The following MCHR2 variants were observed in gnomAD, a reference collection of about 807,000 sequenced individuals.
MCHR2 encodes melanin concentrating hormone receptor 2.
In MCHR2, 15 loss-of-function variants were observed where a neutral mutation model predicts 24.8. The observed-to-expected ratio is 0.60, with a 90% CI of 0.40 to 0.93. The LOEUF (loss-of-function observed/expected upper bound fraction) is 0.93. Ranked by LOEUF, MCHR2 falls within the 40% of genes least tolerant of loss-of-function variation. The pLI is 0.00. For synonymous variants in MCHR2, 151 were observed against 147.6 expected (o/e 1.02, Z -0.17); for missense variants, 386 against 408.7 (o/e 0.94, Z 0.48).
chr6:99,921,156 C>G lies in MCHR2; in HGVS notation c.807G>C (p.Val269=). 6.2e-7 allele frequency: 1 copy of G among 1,614,184 alleles called. No individual in the cohort carries two copies. Among genetic ancestry groups the G allele is most frequent in the Non-Finnish European group, 8.5e-7 (1 of 1,180,030 alleles). The change falls in exon 6 of 6, where the codon GTG becomes GTC. Residue 269 remains valine, a synonymous_variant. Coordinates refer to ENST00000281806, the MANE Select transcript of MCHR2 (RefSeq NM_001040179.2). Reference sequence around the variant, plus strand: ...CCATCTGTAAGTTCACCAGTTGTATCACATGATAAGGGGCAGCACTCAGGA... The same window carrying G: ...CCATCTGTAAGTTCACCAGTTGTATGACATGATAAGGGGCAGCACTCAGGA... The part of the protein sequence containing the change: ...VFILSAAPYH[V]IQLVNLQMEQ...
intron 5 of MCHR2, among the ~76,000 whole-genome samples, chr6:99,926,448 C>G (rs369728358): frequency 6.7e-6 from 1 of 150,288 alleles, no homozygotes; most frequent in African/African-American, 2.4e-5. Flanking sequence ...TACAGTCCCA[C>G]CAACAGTGTA....
intron 2 of MCHR2, among the ~76,000 whole-genome samples, chr6:99,954,505 T>C (rs1256339928): frequency 6.6e-6 from 1 of 152,270 alleles, no homozygotes; most frequent in East Asian, 1.9e-4. Context: ...AAAATGCTGC[T>C]GTATAACACA....
intron 1 of MCHR2, among the ~76,000 whole-genome samples, chr6:99,969,835 G>C (rs1181992058): frequency 4.6e-5 from 7 of 151,520 alleles, no homozygotes; most frequent in Non-Finnish European, 1.0e-4. Context: ...CCTTGTGATA[G>C]TTCGCTGAGA....
chr6:99,974,493 C>G (rs919496474), intron 1 of MCHR2, among the ~76,000 whole-genome samples: 1 of 152,102 alleles, frequency 6.6e-6, no homozygotes. Flanking sequence ...AACTTCTTTG[C>G]CATTGGTTTG....
chr6:99,937,493 T>A (rs1208292563), intron 4 of MCHR2, among the ~76,000 whole-genome samples: 3 of 152,110 alleles, frequency 2.0e-5, no homozygotes, highest in African/African-American at 7.2e-5. Context: ...GTGCTGTTAA[T>A]GTGATGTATC....
chr6:99,987,846 G>A (rs1775797956), intron 1 of MCHR2, among the ~76,000 whole-genome samples: 2 of 152,062 alleles, frequency 1.3e-5, no homozygotes, highest in African/African-American at 4.8e-5. Context: ...GGGCACAAAA[G>A]GTTATTTTTT....
chr6:99,973,704 T>G (rs936894683), intron 1 of MCHR2, among the ~76,000 whole-genome samples: 8 of 152,212 alleles, frequency 5.3e-5, no homozygotes, highest in Admixed American at 2.0e-4. Context: ...GGTACCGGTT[T>G]TTCCTTTCCA....
intron 1 of MCHR2, among the ~76,000 whole-genome samples, chr6:99,988,460 T>G (rs1775807067): frequency 6.6e-6 from 1 of 152,210 alleles, no homozygotes; most frequent in Admixed American, 6.5e-5. Context: ...CAGCCTCTTT[T>G]GCACACTGGC....
chr6:99,972,724 C>G (rs1775453992), intron 1 of MCHR2, among the ~76,000 whole-genome samples: 1 of 151,980 alleles, frequency 6.6e-6, no homozygotes, highest in African/African-American at 2.4e-5. Context: ...CCTCTACATA[C>G]TGCTTTGAAT....
chr6:99,979,312 G>C (rs1016505999), intron 1 of MCHR2, among the ~76,000 whole-genome samples: 1 of 152,062 alleles, frequency 6.6e-6, no homozygotes, highest in African/African-American at 2.4e-5. Flanking sequence ...TGCTCACTGA[G>C]GGCAGGAGTC....
intron 3 of MCHR2, among the ~76,000 whole-genome samples, chr6:99,943,862 G>A (rs920529085): frequency 6.6e-6 from 1 of 152,082 alleles, no homozygotes; most frequent in Non-Finnish European, 1.5e-5. Flanking sequence ...CTCTGAACAG[G>A]GATTTCCTGC....
Position 99,934,394 on chromosome 6 carries a change from T to C in MCHR2, c.707+4A>G. 6.4e-7 allele frequency: 1 copy of C among 1,571,242 alleles called. No homozygotes were observed. Among genetic ancestry groups the C allele is most frequent in the Non-Finnish European group, 8.6e-7 (1 of 1,165,416 alleles). On this transcript the variant is annotated splice_donor_region_variant and intron_variant, in intron 5 of 5. Transcript: ENST00000281806. ...TTAACAAATAAAACAAGGCAAACACTTACCATCTGGCATCCTTATTCTGTT... is the reference window on the plus strand; with the variant it reads ...TTAACAAATAAAACAAGGCAAACACCTACCATCTGGCATCCTTATTCTGTT...
rs1418321067 is a variant in MCHR2, at chr6:99,921,270, T to C, written c.708-15A>G. 6.2e-7 allele frequency: 1 copy of C among 1,608,240 alleles called. No homozygotes were observed. Among genetic ancestry groups the C allele is most frequent in the African/African-American group, 1.3e-5 (1 of 74,866 alleles). The stretch of plus-strand genomic sequence containing the variant: ...TGGGATTGCAGCTGCAGAGGAAACA[T>C]TCAGATAGACAGGGTATAAACAACC... On this transcript the variant is annotated splice_polypyrimidine_tract_variant and intron_variant, in intron 5 of 5. Transcript: ENST00000281806.
intron 2 of MCHR2, among the ~76,000 whole-genome samples, chr6:99,953,031 T>C (rs1268015775): frequency 2.0e-5 from 3 of 152,198 alleles, no homozygotes; most frequent in African/African-American, 7.2e-5. Flanking sequence ...GTTGACTTTA[T>C]GTTGAAAATC....
At chr6:99,987,153 T>C (rs1775785392) in intron 1 of MCHR2, among the ~76,000 whole-genome samples, 2 of 152,138 alleles carry the variant, frequency 1.3e-5, no homozygotes, top group South Asian at 4.2e-4. Context: ...CAGGGTGGAG[T>C]GCAGCGGTGT....
chr6:99,945,059 C>T (rs1423147207), intron 3 of MCHR2, among the ~76,000 whole-genome samples: 3 of 152,128 alleles, frequency 2.0e-5, no homozygotes, highest in Admixed American at 6.5e-5. Context: ...GGGACCATGA[C>T]TATAAAAGAA....
At chr6:99,978,449 G>C (rs1582408549) in intron 1 of MCHR2, among the ~76,000 whole-genome samples, 1 of 141,930 alleles carries the variant, frequency 7.0e-6, no homozygotes, top group South Asian at 2.3e-4. Flanking sequence ...TTGAGACGGA[G>C]TCTTGCTCTG....
At chr6:99,940,874 G>T (rs565842999) in intron 4 of MCHR2, among the ~76,000 whole-genome samples, 2 of 152,058 alleles carry the variant, frequency 1.3e-5, no homozygotes, top group African/African-American at 2.4e-5. Context: ...CTGGCTAGGG[G>T]TTTGTCCAGG....
chr6:99,945,988 A>G (rs1774864513), intron 3 of MCHR2, among the ~76,000 whole-genome samples: 1 of 152,118 alleles, frequency 6.6e-6, no homozygotes, highest in African/African-American at 2.4e-5. Context: ...CACTTCATTT[A>G]CAGTAAGAGA....
Sources: gnomAD v4.1 joint callset for allele counts (sites outside exome capture counted in the v4.1 genomes callset) on GRCh38, gnomAD v4.1.1 for gene constraint, MANE v1.5 for transcripts, NCBI Gene and HGNC (gene_info 2026-07-23, HGNC 2026-07-21) for gene names.